Variants in MIER2 observed in about 807,000 individuals in gnomAD.
MIER2 encodes the protein MIER family member 2.
In MIER2, 30 loss-of-function variants were observed where a neutral mutation model predicts 67.6. The ratio of observed to expected loss-of-function variants is 0.44; its 90% CI spans 0.33 to 0.60. MIER2 has a LOEUF of 0.60. MIER2 is among the 20% of genes least tolerant of loss of function. The pLI, the probability that MIER2 is intolerant of heterozygous loss-of-function variation, is 0.02. For missense variants in MIER2, 702 were observed against 745.1 expected (o/e 0.94, Z 0.67); for synonymous variants, 372 against 312.6 (o/e 1.19, Z -2.00).
intron 10 of MIER2, among the ~76,000 whole-genome samples, 200 bp from the exon 11 acceptor site, chr19:309,125 G>C (rs1646060349): frequency 6.6e-6 from 1 of 152,138 alleles, no homozygotes; most frequent in South Asian, 2.1e-4. Flanking sequence ...GGGGCTCGGA[G>C]CACTGTGGCA....
intron 1 of MIER2, 200 bp downstream of exon 1, chr19:344,574 G>T (rs1380087375): frequency 7.3e-6 from 1 of 136,912 alleles, no homozygotes; most frequent in Non-Finnish European, 8.2e-6. Flanking sequence ...GGGGGAGTTG[G>T]GGGGTGGGGG....
rs565477797 is a variant in MIER2, at chr19:318,076, C to T, written c.656-4433G>A. Among the ~76,000 whole-genome samples the T allele has an allele frequency of 2.1e-4, 31 of 151,076 alleles. 1 individual carries two copies. The highest frequency in any genetic ancestry group is 3.6e-4 in the African/African-American group (15 of 41,128). Reference sequence around the variant, plus strand: ...AAACTTAGCTGGGCATGGTGGCGGACGCCTGTAATTGCAGCTACTTGGGAG... The same window carrying T: ...AAACTTAGCTGGGCATGGTGGCGGATGCCTGTAATTGCAGCTACTTGGGAG... On this transcript the variant is annotated intron_variant, in intron 7 of 13. Transcript: ENST00000264819.
chr19:306,716 A>AG lies in MIER2; in HGVS notation c.1617-6dup. ...CAGCAGGTCATCACGTTACAGCTGC[A>AG]GGGGAGAGACCAAGAGAGACGCAGA... On this transcript the variant is annotated splice_region_variant and splice_polypyrimidine_tract_variant and intron_variant, in intron 13 of 13. Coordinates refer to ENST00000264819, the MANE Select transcript of MIER2 (RefSeq NM_017550.3). 1.3e-6 allele frequency: 2 copies of AG among 1,560,174 alleles called. No individual in the cohort carries two copies. Among genetic ancestry groups the AG allele is most frequent in the Non-Finnish European group, 8.7e-7 (1 of 1,152,116 alleles).
chr19:328,011 G>A, intron 3 of MIER2, 22 bp from the exon 4 acceptor site: 2 of 1,611,998 alleles, frequency 1.2e-6, no homozygotes, highest in East Asian at 2.2e-5. Context: ...AAGGGAACAA[G>A]GCCCCATCAG....
At chr19:321,579 G>A (rs1971505109) in intron 7 of MIER2, among the ~76,000 whole-genome samples, 1 of 152,056 alleles carries the variant, frequency 6.6e-6, no homozygotes, top group African/African-American at 2.4e-5. Context: ...AGGAGGCGGA[G>A]GTTGTGGTGA....
intron 4 of MIER2, among the ~76,000 whole-genome samples, 161 bp from the exon 5 acceptor site, chr19:327,417 G>C (rs529775173): frequency 1.3e-4 from 20 of 152,362 alleles, no homozygotes; most frequent in Non-Finnish European, 2.5e-4. Context: ...GAGCGGGGAT[G>C]GGAAGGAGAC....
chr19:317,991 G>T (rs1007363509), intron 7 of MIER2, among the ~76,000 whole-genome samples: 23 of 152,000 alleles, frequency 1.5e-4, no homozygotes, highest in Admixed American at 9.8e-4. Flanking sequence ...GTCACTTGAG[G>T]TCTAGAGATT....
chr19:337,900 G>A (rs10409321), intron 1 of MIER2, among the ~76,000 whole-genome samples: 145 of 123,368 alleles, frequency 1.2e-3, no homozygotes, highest in Non-Finnish European at 1.9e-3. Context: ...AAGGCTGGGC[G>A]CAGTGGCTCA....
intron 9 of MIER2, 87 bp from the exon 10 acceptor site, chr19:312,026 C>G: frequency 1.1e-6 from 1 of 944,118 alleles, no homozygotes; most frequent in South Asian, 2.2e-5. Context: ...GAACAGTCAG[C>G]GGCGCCCAGG....
intron 2 of MIER2, among the ~76,000 whole-genome samples, chr19:335,240 G>A (rs1972188066): frequency 6.6e-6 from 1 of 152,248 alleles, no homozygotes; most frequent in Non-Finnish European, 1.5e-5. Flanking sequence ...CAAGGCTGGG[G>A]GCCTGAGGGC....
At chr19:340,391 GA>G (rs1318605471) in intron 1 of MIER2, 2 of 152,168 alleles carry the variant, frequency 1.3e-5, no homozygotes, top group Admixed American at 6.5e-5. Context: ...GAGCACTGCC[GA>G]TAACATCAAC....
chr19:332,975 G>A (rs1299758737), intron 3 of MIER2, among the ~76,000 whole-genome samples: 1 of 37,206 alleles, frequency 2.7e-5, no homozygotes, highest in Non-Finnish European at 4.3e-5. Flanking sequence ...GCACCACCAC[G>A]CCTGGCTAAT....
In MIER2 at chr19:308,213, C is replaced by T. The variant is rs953043391; in HGVS notation, c.1198+364G>A. On this transcript the variant is annotated intron_variant, in intron 12 of 13. Transcript: ENST00000264819. This position sits in a 1 kb window ranked among gnomAD's most constrained non-coding sequence, Gnocchi z 9.1. ...AAGATCCTGGCGACGGCTCCGGACA[C>T]CCTGTCCTTCCTGAGTGTCCTGGTG... is the stretch of plus-strand genomic sequence containing the variant. Among the ~76,000 whole-genome samples the T allele has an allele frequency of 6.6e-6, 1 of 152,202 alleles. No individual in the cohort carries two copies. The highest frequency in any genetic ancestry group is 1.5e-5 in the Non-Finnish European group (1 of 68,022).
In MIER2 at chr19:326,560, A is replaced by G; in HGVS notation, c.532T>C (p.Ser178Pro). The G allele has an allele frequency of 1.2e-6, 2 of 1,614,156 alleles. No homozygotes were observed. Among genetic ancestry groups the G allele is most frequent in the Non-Finnish European group, 8.5e-7 (1 of 1,179,986 alleles). ...TCCTCCTCGGTGTCGGAGGAGGCAGAAGAGCCAGGCTCTCTGTCTTCATCA... is the reference window on the plus strand; with the variant it reads ...TCCTCCTCGGTGTCGGAGGAGGCAGGAGAGCCAGGCTCTCTGTCTTCATCA... ...LADEDREPGS[S>P]ASSDTEEDSL... The change falls in exon 6 of 14, where the codon TCT becomes CCT. Residue 178 changes from serine (S) to proline (P), a missense_variant. Ser to Pro is a moderately conservative substitution (Grantham distance 74). Around this residue, in one of 3 missense-constraint regions of MIER2, gnomAD observed 320 missense variants for 292.6 expected, o/e 1.09. Transcript: ENST00000264819.
chr19:309,042 CA>C, intron 10 of MIER2, 117 bp from the exon 11 acceptor site: 7 of 1,422,394 alleles, frequency 4.9e-6, no homozygotes, highest in Non-Finnish European at 6.6e-6. Flanking sequence ...CAGCACCCAC[CA>C]CTCTCAGATA....
At chr19:344,740 G>T (rs1220016785) in intron 1 of MIER2, 34 bp downstream of exon 1, 2 of 1,156,538 alleles carry the variant, frequency 1.7e-6, no homozygotes, top group African/African-American at 3.3e-5. Context: ...ACGCGCGGGG[G>T]CGGGGGGCCG....
intron 10 of MIER2, among the ~76,000 whole-genome samples, chr19:309,703 GACAC>G (rs35634309): frequency 6.4e-5 from 3 of 47,140 alleles, no homozygotes; most frequent in Admixed American, 6.3e-4. Flanking sequence ...GACGAGAAGG[GACAC>G]ACACACGCAC....
intron 7 of MIER2, among the ~76,000 whole-genome samples, chr19:321,337 A>T (rs527476585): frequency 1.6e-3 from 238 of 152,298 alleles, no homozygotes; most frequent in African/African-American, 5.3e-3. Flanking sequence ...TGCACCGTTA[A>T]CTTAACGTTT....
At position 306,462 on chromosome 19, in the gene MIER2, G is replaced by A; in HGVS notation, c.*228C>T. 1.6e-6 allele frequency: 1 copy of A among 634,988 alleles called. No individual in the cohort carries two copies. The highest frequency in any genetic ancestry group is 2.7e-6 in the Non-Finnish European group (1 of 369,784). The allele number at this position is 634,988 out of a possible 1,614,324, so 39.3% of individuals were successfully genotyped here. A position where few individuals can be genotyped will look rare whatever the true frequency, so the allele number is the denominator to read the frequency against. The stretch of plus-strand genomic sequence containing the variant: ...GGCAGCGGCCCGGACCCGGGTGGCA[G>A]TGCCGGGCGCTGACGGCGCTGGGTG... On this transcript the variant is annotated 3_prime_UTR_variant, in exon 14 of 14. Coordinates refer to ENST00000264819, the MANE Select transcript of MIER2 (RefSeq NM_017550.3).
Sources: allele counts gnomAD v4.1 joint callset (sites outside exome capture counted in the v4.1 genomes callset), GRCh38; gene constraint gnomAD v4.1.1; regional missense constraint gnomAD v4.1.1; non-coding constraint Gnocchi (gnomAD v3.1); transcripts MANE v1.5; gene names NCBI Gene and HGNC (gene_info 2026-07-23, HGNC 2026-07-21).